The following ARSF variants were observed in gnomAD, a reference collection of about 807,000 sequenced individuals.
ARSF encodes arylsulfatase F.
In ARSF, 33 loss-of-function variants were observed where a neutral mutation model predicts 35.4. The observed-to-expected ratio is 0.93, with a 90% confidence interval of 0.71 to 1.25. ARSF has a LOEUF of 1.25. Among genes scored for constraint, ARSF ranks in the 50% most tolerant of loss-of-function variants. ARSF has a pLI of 0.00. For missense variants in ARSF, 501 were observed against 480.2 expected (o/e 1.04, Z -0.40); for synonymous variants, 222 against 193.1 (o/e 1.15, Z -1.24).
chrX:3,051,243 T>A (rs963861036), intron 1 of ARSF, among the ~76,000 whole-genome samples: 13 of 111,932 alleles, frequency 1.2e-4, no homozygotes, highest in Admixed American at 4.8e-4. Flanking sequence ...ATCTTACATG[T>A]ATTGAGGGGT....
intron 3 of ARSF, among the ~76,000 whole-genome samples, chrX:3,074,613 T>C (rs1360081449): frequency 2.7e-5 from 3 of 111,577 alleles, no homozygotes; most frequent in Non-Finnish European, 3.8e-5. Context: ...ATGGATCCAT[T>C]GTGGAATAGC....
At chrX:3,111,299 G>A (rs1344596409) in intron 10 of ARSF, among the ~76,000 whole-genome samples, 1 of 111,821 alleles carries the variant, frequency 8.9e-6, no homozygotes, top group Non-Finnish European at 1.9e-5. Context: ...AAGAAAATGA[G>A]TTTATGACCC....
At chrX:3,073,286 G>C (rs1228035779) in intron 3 of ARSF, among the ~76,000 whole-genome samples, 1 of 100,477 alleles carries the variant, frequency 1.0e-5, no homozygotes, top group South Asian at 4.2e-4. Flanking sequence ...ATAGAGGGTA[G>C]TTGTGTGTTA....
At chrX:3,049,308 C>T (rs1186429110) in intron 1 of ARSF, among the ~76,000 whole-genome samples, 1 of 84,844 alleles carries the variant, frequency 1.2e-5, no homozygotes, top group Non-Finnish European at 2.1e-5. Context: ...GGTCTTTGAT[C>T]AGAATACACA....
chrX:3,103,922 C>A lies in ARSF; in HGVS notation c.1263C>A (p.Asp421Glu), dbSNP rs1411271579. The A allele has an allele frequency of 8.3e-7, 1 of 1,208,963 alleles. No homozygotes were observed. Among genetic ancestry groups the A allele is most frequent in the Non-Finnish European group, 1.1e-6 (1 of 893,855 alleles). Residue 421 changes from aspartate (D) to glutamate (E), a missense_variant and splice_region_variant, in exon 9 of 11, where the codon GAC becomes GAA. Transcript: ENST00000381127. ...TGTCAGGAGGAAGTCTCCCTCAGGA[C>A]AGGTGATGTCATATAAACTGTTAAC... ...ASVSGGSLPQ[D>E]RVIDGRDLMP... is the part of the protein sequence containing the mutation.
Position 3,111,742 on chromosome X carries a change from A to C in ARSF, c.1391-432A>C, listed in dbSNP as rs780223603. 7.3e-5 allele frequency among the ~76,000 whole-genome samples: 8 copies of C among 109,594 alleles called. No individual in the cohort carries two copies. The South Asian group carries it at 2.8e-3, about 38-fold the overall frequency. On this transcript the variant is annotated intron_variant, in intron 10 of 10. Coordinates refer to ENST00000381127, the MANE Select transcript of ARSF (RefSeq NM_001201539.2). ...TGAAATAATTCTACAACTCATCATC[A>C]TGTAGAATCAGTGGGAGCCCTGAGC...
intron 1 of ARSF, among the ~76,000 whole-genome samples, chrX:3,060,959 G>T (rs981734698): frequency 3.6e-5 from 4 of 111,100 alleles, no homozygotes; most frequent in African/African-American, 1.3e-4. Context: ...AGGAAATATA[G>T]AGAAAGCCAC....
chrX:3,042,662 A>T (rs2089960314), intron 1 of ARSF, among the ~76,000 whole-genome samples: 1 of 108,855 alleles, frequency 9.2e-6, no homozygotes, highest in African/African-American at 3.3e-5. Flanking sequence ...ATGCCTGGCT[A>T]ATTTTTGTAA....
chrX:3,069,197 C>T (rs757799276), intron 2 of ARSF, among the ~76,000 whole-genome samples: 2 of 111,863 alleles, frequency 1.8e-5, no homozygotes, highest in African/African-American at 3.2e-5. Flanking sequence ...TCAGAGTCCA[C>T]GTTTCTTTCT....
intron 7 of ARSF, among the ~76,000 whole-genome samples, chrX:3,096,356 G>A (rs766477182): frequency 2.6e-4 from 29 of 110,818 alleles, no homozygotes; most frequent in Non-Finnish European, 3.8e-5. Context: ...TGAGTATCTC[G>A]AAGCTGACTC....
At chrX:3,058,917 T>G (rs1473134522) in intron 1 of ARSF, among the ~76,000 whole-genome samples, 2 of 111,782 alleles carry the variant, frequency 1.8e-5, no homozygotes, top group Admixed American at 9.6e-5. Flanking sequence ...GATTTTACCA[T>G]GAGCAGTTGC....
chrX:3,042,122 AC>A (rs1173155916), intron 1 of ARSF, among the ~76,000 whole-genome samples: 2 of 112,170 alleles, frequency 1.8e-5, no homozygotes, highest in Non-Finnish European at 3.8e-5. Context: ...GAGAAATAAG[AC>A]GTTTAATGTT....
intron 7 of ARSF, among the ~76,000 whole-genome samples, chrX:3,098,047 A>AACACACACAC (rs3032523): frequency 0.034 from 3,027 of 88,011 alleles, 76 homozygotes; most frequent in Middle Eastern, 0.055. Flanking sequence ...ATACACACAC[A>AACACACACAC]ACACACACAC....
intron 1 of ARSF, chrX:3,058,426 C>A (rs144405529): frequency 2.8e-5 from 6 of 214,177 alleles, no homozygotes; most frequent in Non-Finnish European, 5.4e-5. Context: ...ATCAGCCTAG[C>A]GCACCATAGC....
rs1569149916 is a variant in ARSF at position 3,110,217 on chromosome X, AC to A, written c.1357del (p.Leu453CysfsTer21). 8.3e-7 allele frequency: 1 copy of A among 1,198,108 alleles called. No homozygotes were observed. The highest frequency in any genetic ancestry group is 1.8e-5 in the South Asian group (1 of 54,464). On this transcript the variant is annotated frameshift_variant, in exon 10 of 11. Coordinates refer to ENST00000381127, the MANE Select transcript of ARSF (RefSeq NM_001201539.2). LOFTEE classifies it low-confidence loss of function (END_TRUNC). Reference sequence around the variant, plus strand: ...TTTCTTTTCCACTACTGTGGCTCCTACCTGCACGCCGTGCGGTGGATCCCCA... The same window carrying A: ...TTTCTTTTCCACTACTGTGGCTCCTACTGCACGCCGTGCGGTGGATCCCCA... ...HEFLFHYCGS[Y>X]LHAVRWIPKD... is the part of the protein sequence containing the mutation.
chrX:3,050,637 GTA>G (rs1215056946), intron 1 of ARSF, among the ~76,000 whole-genome samples: 1 of 110,667 alleles, frequency 9.0e-6, no homozygotes, highest in Non-Finnish European at 1.9e-5. Context: ...GAGATCAAGT[GTA>G]TGGTTGACCT....
intron 6 of ARSF, 99 bp from the exon 7 acceptor site, chrX:3,089,397 G>T: frequency 1.0e-6 from 1 of 995,073 alleles, no homozygotes; most frequent in Non-Finnish European, 1.4e-6. Flanking sequence ...GCAGCTTGGA[G>T]AAGAAGGAAG....
At chrX:3,072,465 G>C (rs953916278) in intron 3 of ARSF, among the ~76,000 whole-genome samples, 4 of 111,407 alleles carry the variant, frequency 3.6e-5, no homozygotes, top group African/African-American at 1.3e-4. Context: ...ATAGTGATCA[G>C]ATCAGGGTAA....
At chrX:3,105,205 A>T (rs1287882052) in intron 9 of ARSF, among the ~76,000 whole-genome samples, 1 of 112,337 alleles carries the variant, frequency 8.9e-6, no homozygotes, top group Non-Finnish European at 1.9e-5. Flanking sequence ...GAAAAGAAAA[A>T]TATTTTAGAA....
Sources: gnomAD v4.1 joint callset for allele counts (sites outside exome capture counted in the v4.1 genomes callset) on GRCh38, gnomAD v4.1.1 for gene constraint, MANE v1.5 for transcripts, NCBI Gene and HGNC (gene_info 2026-07-23, HGNC 2026-07-21) for gene names.